Variants in SNX8 observed in about 807,000 individuals in gnomAD.
SNX8 encodes the protein sorting nexin 8.
Under a neutral mutation model 51.6 loss-of-function variants are expected in SNX8, and 25 were observed. The observed-to-expected ratio is 0.48, with a 90% confidence interval of 0.35 to 0.68. The LOEUF (loss-of-function observed/expected upper bound fraction) is 0.68, where lower values mean the gene tolerates loss of function less well. Among genes scored for constraint, SNX8 ranks in the 30% least tolerant of loss-of-function variants. The pLI is 0.00. For synonymous variants in SNX8, 324 were observed against 277.0 expected, an observed-to-expected ratio of 1.17 and a Z score of -1.68; for missense variants, 695 against 624.0, an observed-to-expected ratio of 1.11 and a Z score of -1.21.
intron 1 of SNX8, among the ~76,000 whole-genome samples, chr7:2,331,763 A>C (rs1463847501): frequency 6.6e-6 from 1 of 151,512 alleles, no homozygotes; most frequent in Non-Finnish European, 1.5e-5. Context: ...AACAGGAAAT[A>C]CAGATACTCC....
chr7:2,333,520 C>G lies in SNX8; in HGVS notation c.-66+20702G>C, dbSNP rs73043288. 9.2e-3 allele frequency among the ~76,000 whole-genome samples: 1,407 copies of G among 152,222 alleles called. 4 individuals are homozygous for G. The highest frequency in any genetic ancestry group is 0.015 in the Non-Finnish European group (1,035 of 68,020). ...AAGGCTGTGGTGAGCCAAGATTACA[C>G]CACTGCACTCCAGCCTGAGTGGCAG... On this transcript the variant is annotated intron_variant, in intron 1 of 5. Coordinates refer to the SNX8 transcript ENST00000435336.
At chr7:2,301,954 G>C (rs1365489612) in intron 1 of SNX8, among the ~76,000 whole-genome samples, 1 of 152,136 alleles carries the variant, frequency 6.6e-6, no homozygotes, top group Non-Finnish European at 1.5e-5. Flanking sequence ...TCAAAGAGTT[G>C]GGGATCGGCC....
chr7:2,254,976 CA>C lies in SNX8; in HGVS notation c.*79del. Reference sequence around the variant, plus strand: ...CGTGGCGGGGAGGGGAGCTGCCGTCCAAAGGGAATTACACCGGGACACACCG... The same window carrying C: ...CGTGGCGGGGAGGGGAGCTGCCGTCCAAGGGAATTACACCGGGACACACCG... On this transcript the variant is annotated 3_prime_UTR_variant, in exon 11 of 11. Coordinates refer to ENST00000222990, the MANE Select transcript of SNX8 (RefSeq NM_013321.4). 2 of 999,976 alleles carry C rather than the reference CA, an allele frequency of 2.0e-6. No homozygotes were observed. The highest frequency in any genetic ancestry group is 1.5e-6 in the Non-Finnish European group (1 of 652,046). 61.9% of individuals were successfully genotyped at this position (999,976 alleles called of 1,614,324 possible).
intron 1 of SNX8, among the ~76,000 whole-genome samples, chr7:2,304,146 G>A (rs535201560): frequency 5.5e-5 from 8 of 146,206 alleles, no homozygotes; most frequent in South Asian, 2.2e-4. Context: ...CAGCCTGGAC[G>A]ACAGAGCGAG....
chr7:2,335,143 C>G (rs965235464), intron 1 of SNX8, among the ~76,000 whole-genome samples: 1 of 151,804 alleles, frequency 6.6e-6, no homozygotes, highest in African/African-American at 2.4e-5. Context: ...TTGCAGTGAG[C>G]TGAGATCATG....
intron 1 of SNX8, among the ~76,000 whole-genome samples, chr7:2,349,281 A>G (rs1398725274): frequency 6.6e-6 from 1 of 152,114 alleles, no homozygotes; most frequent in Non-Finnish European, 1.5e-5. Context: ...TACCATCTTA[A>G]CCACGTTAAA....
intron 2 of SNX8, among the ~76,000 whole-genome samples, chr7:2,276,220 G>A (rs1795776843): frequency 6.6e-6 from 1 of 152,162 alleles, no homozygotes; most frequent in Non-Finnish European, 1.5e-5. Context: ...CACGCTCAGA[G>A]TTGCCTCACC....
chr7:2,267,965 C>T (rs1795515326), intron 5 of SNX8, among the ~76,000 whole-genome samples: 3 of 144,632 alleles, frequency 2.1e-5, no homozygotes, highest in South Asian at 2.2e-4. Flanking sequence ...TGCCCCGCCG[C>T]CCCATCTGGG....
intron 1 of SNX8, among the ~76,000 whole-genome samples, chr7:2,293,378 G>A (rs572808061): frequency 5.9e-5 from 9 of 152,050 alleles, no homozygotes; most frequent in East Asian, 2.0e-4. Flanking sequence ...ATGCTCAGTC[G>A]GGTGCGGTGG....
At chr7:2,280,312 A>C (rs1795880896) in intron 1 of SNX8, among the ~76,000 whole-genome samples, 1 of 152,136 alleles carries the variant, frequency 6.6e-6, no homozygotes, top group African/African-American at 2.4e-5. Context: ...TAGAAAAAAA[A>C]GTGTTTCTCA....
At chr7:2,347,489 A>G (rs1422629944) in intron 1 of SNX8, among the ~76,000 whole-genome samples, 2 of 102,628 alleles carry the variant, frequency 1.9e-5, no homozygotes, top group East Asian at 4.0e-4. Context: ...TCAAAAAAAA[A>G]AAAAAAAAAA....
At chr7:2,352,909 C>T (rs186644527) in intron 1 of SNX8, among the ~76,000 whole-genome samples, 8 of 152,238 alleles carry the variant, frequency 5.3e-5, no homozygotes, top group African/African-American at 1.9e-4. Context: ...AAGTGACCTG[C>T]CCAAAGATAC....
chr7:2,269,004 C>A (rs1365350771), intron 5 of SNX8, among the ~76,000 whole-genome samples: 1 of 137,586 alleles, frequency 7.3e-6, no homozygotes, highest in Non-Finnish European at 1.6e-5. Flanking sequence ...CCCCTCTGCC[C>A]GGCCACCACC....
chr7:2,275,858 C>A (rs572463404), intron 2 of SNX8, among the ~76,000 whole-genome samples: 1 of 151,930 alleles, frequency 6.6e-6, no homozygotes, highest in Admixed American at 6.6e-5. Flanking sequence ...ATTAGCCGGG[C>A]GTGGTGGTGG....
At chr7:2,255,264 G>A in intron 10 of SNX8, 95 bp from the exon 11 acceptor site, 1 of 795,766 alleles carries the variant, frequency 1.3e-6, no homozygotes, top group East Asian at 2.7e-5. Flanking sequence ...GTGACAGGGA[G>A]GGAGGGGCCC....
At chr7:2,274,054 A>T (rs967237759) in intron 3 of SNX8, among the ~76,000 whole-genome samples, 33 of 152,232 alleles carry the variant, frequency 2.2e-4, no homozygotes, top group Non-Finnish European at 4.4e-5. Flanking sequence ...TGCAGTTTCC[A>T]GGCGCTGAAC....
intron 1 of SNX8, among the ~76,000 whole-genome samples, chr7:2,344,294 C>G (rs1487831077): frequency 6.6e-6 from 1 of 151,816 alleles, no homozygotes; most frequent in South Asian, 2.1e-4. Flanking sequence ...TCAGCCTGGG[C>G]AACATGGTAA....
In SNX8 at chr7:2,326,564, G is replaced by T. The variant is rs566825167; in HGVS notation, c.-66+27658C>A. On this transcript the variant is annotated intron_variant, in intron 1 of 5. Transcript: ENST00000435336. ...GTCTGTAGTCCCAGCTACTCGGGAG[G>T]CTGAGGCAGGAGAATGGCTTGAACC... is the stretch of plus-strand genomic sequence containing the variant. 1.2e-4 allele frequency among the ~76,000 whole-genome samples: 18 copies of T among 152,072 alleles called. No homozygotes were observed. The East Asian group carries it at 3.3e-3, about 28-fold the overall frequency.
At chr7:2,342,379 C>T (rs1021653695) in intron 1 of SNX8, among the ~76,000 whole-genome samples, 2 of 151,792 alleles carry the variant, frequency 1.3e-5, no homozygotes, top group African/African-American at 4.8e-5. Flanking sequence ...CAGGGCTGGG[C>T]GCAGTGGCTC....
Sources: allele counts gnomAD v4.1 joint callset (sites outside exome capture counted in the v4.1 genomes callset), GRCh38; gene constraint gnomAD v4.1.1; transcripts MANE v1.5; gene names NCBI Gene and HGNC (gene_info 2026-07-23, HGNC 2026-07-21).